MAP3K11: variants seen among roughly 807,000 people sequenced by gnomAD.
MAP3K11 encodes mitogen-activated protein kinase kinase kinase 11.
A neutral mutation model predicts 84.9 loss-of-function variants in MAP3K11; 46 were observed. That is an observed-to-expected ratio of 0.54 (90% CI 0.43 to 0.69). The LOEUF (loss-of-function observed/expected upper bound fraction) is 0.69. Ranked by LOEUF, MAP3K11 falls within the 30% of genes least tolerant of loss-of-function variation. The probability of loss-of-function intolerance (pLI) is 0.00; values close to 1 mark genes in which losing one functional copy is unlikely to be tolerated. For synonymous variants in MAP3K11, 527 were observed against 514.7 expected, an observed-to-expected ratio of 1.02 and a Z score of -0.32; for missense variants, 1,053 against 1,198.3, an observed-to-expected ratio of 0.88 and a Z score of 1.79.
Position 65,607,414 on chromosome 11 carries a change from C to T in MAP3K11, c.1345G>A (p.Glu449Lys). The stretch of plus-strand genomic sequence containing the variant: ...AGCTCGCGCTCGAACACCTCTAGCT[C>T]CCACTGGGCCAGCAGGTGCTCGCGC... ...RRREHLLAQW[E>K]LEVFERELTL... The change falls in exon 5 of 10, where the codon GAG becomes AAG. Residue 449 changes from glutamate (E) to lysine (K), a missense_variant. This residue lies in a region of MAP3K11 where 310 missense variants were observed against 464.5 expected (regional missense o/e 0.67). Transcript: ENST00000309100. The T allele has an allele frequency of 6.6e-7, 1 of 1,510,970 alleles. No homozygotes were observed. Among genetic ancestry groups the T allele is most frequent in the Non-Finnish European group, 8.8e-7 (1 of 1,137,358 alleles). The allele number at this position is 1,510,970 out of a possible 1,614,324, so 93.6% of individuals were successfully genotyped here.
intron 6 of MAP3K11, chr11:65,606,483 T>C (rs1039127515): frequency 2.2e-5 from 10 of 454,176 alleles, no homozygotes; most frequent in African/African-American, 4.1e-5. Flanking sequence ...TAGTAGTACA[T>C]AGTGTCATAC....
At position 65,599,484 on chromosome 11, in the gene MAP3K11, G is replaced by A; in HGVS notation, c.2116C>T (p.Pro706Ser). 1 of 1,503,222 alleles carries A rather than the reference G, an allele frequency of 6.7e-7. No homozygotes were observed. The highest frequency in any genetic ancestry group is 1.3e-5 in the South Asian group (1 of 77,532). The allele number at this position is 1,503,222 out of a possible 1,614,324, so 93.1% of individuals were successfully genotyped here. A position where few individuals can be genotyped will look rare whatever the true frequency, so the allele number is the denominator to read the frequency against. Reference protein sequence around the residue: ...ICFSLKTPDSPPTPAPLLLDL... With the variant: ...ICFSLKTPDSSPTPAPLLLDL... ...AGCAACAGGGGTGCAGGAGTGGGCGGGGAGTCGGGCGTCTTGAGCGAGAAG... is the reference window on the plus strand; with the variant it reads ...AGCAACAGGGGTGCAGGAGTGGGCGAGGAGTCGGGCGTCTTGAGCGAGAAG... The change falls in exon 9 of 10, where the codon CCG becomes TCG. Residue 706 changes from proline (P) to serine (S), a missense_variant. Coordinates refer to ENST00000309100, the MANE Select transcript of MAP3K11 (RefSeq NM_002419.4).
At chr11:65,606,661 G>C in intron 6 of MAP3K11, 30 bp downstream of exon 6, 2 of 1,478,164 alleles carry the variant, frequency 1.4e-6, no homozygotes, top group South Asian at 2.5e-5. Flanking sequence ...CTGGGGGGCG[G>C]AGAGGGGCAT....
chr11:65,608,355 G>A lies in MAP3K11; in HGVS notation c.833C>T (p.Thr278Ile). ...GTAGGTGCCCGCGGCACTCATTTGT[G>A]TGGTTTTGTGCCACTCTCGGGCCAG... ...FGLAREWHKT[T>I]QMSAAGTYAW... The change falls in exon 2 of 10, where the codon ACA (threonine) becomes ATA (isoleucine). Residue 278 changes from threonine to isoleucine, a missense_variant. Thr to Ile is a moderately conservative substitution (Grantham distance 89). Transcript: ENST00000309100. 6.2e-7 allele frequency: 1 copy of A among 1,614,242 alleles called. No homozygotes were observed. The highest frequency in any genetic ancestry group is 8.5e-7 in the Non-Finnish European group (1 of 1,180,050).
At position 65,607,747 on chromosome 11, in the gene MAP3K11, T is replaced by G. The variant is rs1446264416; in HGVS notation, c.1139A>C (p.Glu380Ala). Residue 380 changes from glutamate (E) to alanine (A), a missense_variant, in exon 4 of 10, where the codon GAG (glutamate) becomes GCG (alanine). By Grantham distance (107) the Glu-to-Ala change is moderately radical. Around this residue, in one of 3 missense-constraint regions of MAP3K11, gnomAD observed 310 missense variants for 464.5 expected, o/e 0.67. Transcript: ENST00000309100. ...ASILQQLEAL[E>A]AQVLREMPRD... ...CGGCATTTCCCGTAGGACCTGTGCC[T>G]CCAGCGCCTCCAACTGCTGCAGGAT... 2 of 1,613,688 alleles carry G rather than the reference T, an allele frequency of 1.2e-6. No individual in the cohort carries two copies. The highest frequency in any genetic ancestry group is 2.2e-5 in the South Asian group (2 of 91,086).
In MAP3K11 at chr11:65,599,561, G is replaced by A. The variant is rs199769348; in HGVS notation, c.2039C>T (p.Thr680Met). Residue 680 changes from threonine to methionine, a missense_variant, in exon 9 of 10, where the codon ACG becomes ATG. Physicochemically the swap from Thr to Met is moderately conservative, Grantham distance 81. Around this residue, in one of 3 missense-constraint regions of MAP3K11, gnomAD observed 583 missense variants for 566.6 expected, o/e 1.03. Transcript: ENST00000309100. ...ERGESPTTPP[T>M]PTPAPCPTEP... ...GGTCGGGCAGGGCGCGGGCGTTGGC[G>A]TGGGGGGTGTTGTCGGGGACTCCCC... 6.8e-4 allele frequency: 1,016 copies of A among 1,499,848 alleles called. 1 individual carries two copies. Among genetic ancestry groups the A allele is most frequent in the Non-Finnish European group, 8.2e-4 (929 of 1,133,296 alleles). The allele number at this position is 1,499,848 out of a possible 1,614,324, so 92.9% of individuals were successfully genotyped here. A position where few individuals can be genotyped will look rare whatever the true frequency, so the allele number is the denominator to read the frequency against.
At chr11:65,606,641 G>C (rs1811062016) in intron 6 of MAP3K11, 50 bp downstream of exon 6, 1 of 1,359,234 alleles carries the variant, frequency 7.4e-7, no homozygotes. Flanking sequence ...GTCTGACAGA[G>C]AATAAGGAGC....
At chr11:65,610,981 G>C (rs1361321008) in intron 1 of MAP3K11, 1 of 152,362 alleles carries the variant, frequency 6.6e-6, no homozygotes. Flanking sequence ...CCCAGGCATG[G>C]GAGGTCAGGG....
Position 65,606,598 on chromosome 11 carries a change from G to A in MAP3K11, c.1603+93C>T, listed in dbSNP as rs757605417. The A allele has an allele frequency of 6.8e-5, 62 of 915,858 alleles. No individual in the cohort carries two copies. The East Asian group carries it at 9.5e-4, about 14-fold the overall frequency. The allele number at this position is 915,858 out of a possible 1,614,324, so 56.7% of individuals were successfully genotyped here. A position where few individuals can be genotyped will look rare whatever the true frequency, so the allele number is the denominator to read the frequency against. ...GAGCCTGGGGGCGGGGAGGAAGAGG[G>A]GATAGTGAGTGGGCTCCGCCTCCAA... On this transcript the variant is annotated intron_variant, in intron 6 of 9. Transcript: ENST00000309100.
intron 6 of MAP3K11, 162 bp from the exon 7 acceptor site, chr11:65,606,243 A>G: frequency 1.4e-6 from 1 of 721,522 alleles, no homozygotes; most frequent in Non-Finnish European, 2.1e-6. Context: ...CTTGGGGCCA[A>G]CAGTGGGGTG....
chr11:65,599,710 C>T lies in MAP3K11; in HGVS notation c.1890G>A (p.Glu630=), dbSNP rs1180404182. 6.3e-7 allele frequency: 1 copy of T among 1,583,198 alleles called. No individual in the cohort carries two copies. Among genetic ancestry groups the T allele is most frequent in the Non-Finnish European group, 8.5e-7 (1 of 1,172,308 alleles). Residue 630 remains glutamate (E), a synonymous_variant, in exon 9 of 10, where the codon GAG becomes GAA. Coordinates refer to ENST00000309100, the MANE Select transcript of MAP3K11 (RefSeq NM_002419.4). ...TGGGCGTCCCAGAGCTGCTACCGCG[C>T]TCTGCGGGGACAGGCCTCTTGGGCT... ...PEEPKRPVPA[E]RGSSSGTPKL...
chr11:65,606,925 G>C, intron 5 of MAP3K11, 121 bp from the exon 6 acceptor site: 3 of 652,892 alleles, frequency 4.6e-6, no homozygotes, highest in Middle Eastern at 3.6e-4. Flanking sequence ...ATGGCTGTGA[G>C]ACTGTGACCA....
Position 65,613,994 on chromosome 11 carries a change from G to A in MAP3K11, c.-238C>T, listed in dbSNP as rs979075695. The A allele has an allele frequency of 3.8e-6, 2 of 521,372 alleles. No homozygotes were observed. The highest frequency in any genetic ancestry group is 6.7e-6 in the Non-Finnish European group (2 of 296,590). The allele number at this position is 521,372 out of a possible 1,614,324, so 32.3% of individuals were successfully genotyped here. On this transcript the variant is annotated 5_prime_UTR_variant, in exon 1 of 10. Coordinates refer to ENST00000309100, the MANE Select transcript of MAP3K11 (RefSeq NM_002419.4). ...CAGGCCGGGGGGGTGGGGCCCCGGG[G>A]CCTCCGGCGCCTCACCATGGCTAGC...
At chr11:65,607,062 C>T (rs1202106059) in intron 5 of MAP3K11, 4 of 774,996 alleles carry the variant, frequency 5.2e-6, no homozygotes, top group East Asian at 3.3e-5. Flanking sequence ...CCCACCCCTT[C>T]CCACTCCCAG....
chr11:65,606,639 G>GGAGGCTCCGCCTCCA (rs1565144209), intron 6 of MAP3K11, 52 bp downstream of exon 6: 5 of 1,337,146 alleles, frequency 3.7e-6, no homozygotes, highest in Non-Finnish European at 5.2e-6. Context: ...AGGTCTGACA[G>GGAGGCTCCGCCTCCA]AGAATAAGGA....
Position 65,613,298 on chromosome 11 carries a change from GTCC to G in MAP3K11, c.456_458del (p.Glu152del). The G allele has an allele frequency of 3.1e-6, 5 of 1,613,248 alleles. No individual in the cohort carries two copies. The highest frequency in any genetic ancestry group is 4.2e-6 in the Non-Finnish European group (5 of 1,179,964). On this transcript the variant is annotated inframe_deletion, in exon 1 of 10. Transcript: ENST00000309100. ...GAACGCTCTCGGCTGTCACACTGAT[GTCC>G]TCATCGGGGTCCTGGCGAGCTGCCT... is the stretch of plus-strand genomic sequence containing the variant.
intron 8 of MAP3K11, among the ~76,000 whole-genome samples, chr11:65,601,065 G>C (rs1233112876): frequency 6.6e-6 from 1 of 152,156 alleles, no homozygotes; most frequent in Non-Finnish European, 1.5e-5. Flanking sequence ...ATCACTTCCA[G>C]CTTCATTCAC....
At chr11:65,607,234 C>T in intron 5 of MAP3K11, 36 bp downstream of exon 5, 6 of 1,453,368 alleles carry the variant, frequency 4.1e-6, no homozygotes, top group Non-Finnish European at 2.7e-6. Flanking sequence ...ACCCCCGCAG[C>T]CAATGGCGGG....
At chr11:65,602,824 G>C (rs1175662227) in intron 8 of MAP3K11, among the ~76,000 whole-genome samples, 1 of 150,800 alleles carries the variant, frequency 6.6e-6, no homozygotes, top group Non-Finnish European at 1.5e-5. Context: ...AAAGAAAATA[G>C]CAAGAGCAAG....
Sources: allele counts gnomAD v4.1 joint callset (sites outside exome capture counted in the v4.1 genomes callset), GRCh38; gene constraint gnomAD v4.1.1; regional missense constraint gnomAD v4.1.1; transcripts MANE v1.5; gene names NCBI Gene and HGNC (gene_info 2026-07-23, HGNC 2026-07-21).